Variants in MIA2 observed in about 807,000 individuals in gnomAD.
MIA2 encodes MIA SH3 domain ER export factor 2, also known as melanoma inhibitory activity protein 2.
In MIA2, 127 loss-of-function variants were observed where a neutral mutation model predicts 167.8. The observed-to-expected ratio is 0.76, with a 90% CI of 0.66 to 0.88. MIA2 has a LOEUF of 0.88. MIA2 is among the 40% of genes least tolerant of loss of function. MIA2 has a pLI of 0.00. For missense variants in MIA2, 1,690 were observed against 1,624.7 expected (o/e 1.04, Z -0.69); for synonymous variants, 552 against 541.9 (o/e 1.02, Z -0.26).
chr14:39,247,115 T>C lies in MIA2; in HGVS notation c.541T>C (p.Leu181=). The C allele has an allele frequency of 6.2e-7, 1 of 1,610,966 alleles. No individual in the cohort carries two copies. Residue 181 remains leucine (L), a synonymous_variant, in exon 4 of 29, where the codon TTA becomes CTA. Coordinates refer to ENST00000640607, the MANE Select transcript of MIA2 (RefSeq NM_001329214.4). ...STLFEDQVPA[L]EAPEDIGSTS... Reference sequence around the variant, plus strand: ...TTTGTTTGAAGACCAAGTTCCAGCATTAGAGGCTCCTGAAGATATCGGAAG... The same window carrying C: ...TTTGTTTGAAGACCAAGTTCCAGCACTAGAGGCTCCTGAAGATATCGGAAG...
At chr14:39,282,277 T>C (rs931589750) in intron 9 of MIA2, among the ~76,000 whole-genome samples, 1 of 152,164 alleles carries the variant, frequency 6.6e-6, no homozygotes, top group African/African-American at 2.4e-5. Flanking sequence ...GTAAAATAAG[T>C]TTTATTGTGT....
chr14:39,266,219 A>C (rs2055605442), intron 6 of MIA2: 7 of 985,456 alleles, frequency 7.1e-6, no homozygotes, highest in Non-Finnish European at 8.4e-6. Flanking sequence ...TTGAGTGAGA[A>C]GGCAGAATAT....
chr14:39,365,386 CCTTCT>C (rs1360579985), intron 23 of MIA2, among the ~76,000 whole-genome samples: 25 of 152,232 alleles, frequency 1.6e-4, no homozygotes, highest in Admixed American at 1.2e-3. Context: ...GTGCCTTTAG[CCTTCT>C]CTTCTTTTTT....
intron 9 of MIA2, among the ~76,000 whole-genome samples, chr14:39,281,106 G>A (rs769929368): frequency 1.3e-5 from 2 of 151,664 alleles, no homozygotes; most frequent in Non-Finnish European, 2.9e-5. Context: ...AAAATTTCTT[G>A]TAGAGATGGG....
At chr14:39,304,198 T>G in intron 16 of MIA2, 93 bp from the exon 17 acceptor site, 1 of 507,208 alleles carries the variant, frequency 2.0e-6, no homozygotes, top group Non-Finnish European at 3.5e-6. Flanking sequence ...ACTTAAAAAG[T>G]GTTAGGGGGG....
chr14:39,265,503 TG>T, intron 6 of MIA2: 1 of 1,055,862 alleles, frequency 9.5e-7, no homozygotes, highest in South Asian at 1.4e-5. Context: ...ACTGTGTTTT[TG>T]CTATGGGGGG....
At chr14:39,354,554 CTTTAG>C (rs2074473084), downstream of MIA2, among the ~76,000 whole-genome samples, 1 of 152,118 alleles carries the variant, frequency 6.6e-6, no homozygotes, top group African/African-American at 2.4e-5. Context: ...TGCAGAAGCT[CTTTAG>C]TTTAATTAGA....
chr14:39,267,282 GTGAGGCCTGC>G, intron 6 of MIA2: 1 of 1,452,044 alleles, frequency 6.9e-7, no homozygotes, highest in Middle Eastern at 2.6e-4. Flanking sequence ...GCGTAGGCCT[GTGAGGCCTGC>G]GGGTGCCCCT....
downstream of MIA2, among the ~76,000 whole-genome samples, chr14:39,355,319 A>G (rs572566748): frequency 1.5e-4 from 23 of 151,768 alleles, no homozygotes; most frequent in African/African-American, 4.6e-4. Context: ...CTTTGAAGCA[A>G]TTGTGGAGTT....
chr14:39,289,335 C>A (rs138558352), intron 9 of MIA2, among the ~76,000 whole-genome samples: 1 of 152,034 alleles, frequency 6.6e-6, no homozygotes, highest in Non-Finnish European at 1.5e-5. Context: ...GTGCCTCAGC[C>A]TCTCGAATAG....
At chr14:39,309,611 A>G (rs955013150) in intron 18 of MIA2, among the ~76,000 whole-genome samples, 4 of 152,156 alleles carry the variant, frequency 2.6e-5, no homozygotes, top group Non-Finnish European at 5.9e-5. Context: ...CTAAAATAAT[A>G]CCTGCTACTC....
rs752435136 is a variant in MIA2 at position 39,345,875 on chromosome 14, T to C, written c.3656-29T>C. The C allele has an allele frequency of 8.2e-6, 13 of 1,583,496 alleles. No homozygotes were observed. In the Admixed American group the frequency reaches 1.2e-4, roughly 15 times the overall value. On this transcript the variant is annotated intron_variant, in intron 25 of 28. Transcript: ENST00000640607. ...TAAACTTGATTTATATTTACATTAA[T>C]GAAGACATTTTAAAAACTTATTTTC...
intron 9 of MIA2, among the ~76,000 whole-genome samples, chr14:39,288,528 G>A (rs1281124606): frequency 5.1e-5 from 7 of 137,584 alleles, no homozygotes; most frequent in African/African-American, 1.9e-4. Context: ...GGGCTGGAGT[G>A]GAATGGTGTG....
intron 6 of MIA2, chr14:39,268,934 C>G (rs957305872): frequency 1.1e-6 from 1 of 884,950 alleles, no homozygotes; most frequent in Non-Finnish European, 1.4e-6. Flanking sequence ...ATTTCCCTTT[C>G]TTCACTAAAA....
chr14:39,304,441 G>A, intron 17 of MIA2, 60 bp downstream of exon 17: 1 of 883,230 alleles, frequency 1.1e-6, no homozygotes, highest in Non-Finnish European at 1.7e-6. Flanking sequence ...TCTTGGCAGA[G>A]AATGGTAAAA....
intron 14 of MIA2, among the ~76,000 whole-genome samples, chr14:39,301,728 C>G (rs1191107845): frequency 6.6e-6 from 1 of 152,296 alleles, no homozygotes; most frequent in South Asian, 2.1e-4. Flanking sequence ...TTGAATAAAT[C>G]AACTAAAAAT....
rs114848241 is a variant in MIA2, at chr14:39,266,819, C to T, written c.1888-10115C>T. 3.9e-3 allele frequency: 2,088 copies of T among 540,086 alleles called. 40 individuals are homozygous for T. The highest frequency in any genetic ancestry group is 0.039 in the African/African-American group (1,889 of 48,920). The allele number at this position is 540,086 out of a possible 1,614,324, so 33.5% of individuals were successfully genotyped here. On this transcript the variant is annotated intron_variant, in intron 6 of 28. Transcript: ENST00000640607. ...GAAAGCCTTGGGTGTCGGGGCTGGGCCTGGCGTCGGCCCCTGGGTCGGGGG... is the reference window on the plus strand; with the variant it reads ...GAAAGCCTTGGGTGTCGGGGCTGGGTCTGGCGTCGGCCCCTGGGTCGGGGG...
At chr14:39,386,830 C>A in intron 23 of MIA2, 1 of 933,974 alleles carries the variant, frequency 1.1e-6, no homozygotes, top group East Asian at 2.4e-5. Flanking sequence ...ATAGAATTCT[C>A]AGCAACTCGT....
At chr14:39,318,756 A>C (rs2065912781) in intron 22 of MIA2, among the ~76,000 whole-genome samples, 1 of 152,188 alleles carries the variant, frequency 6.6e-6, no homozygotes, top group Non-Finnish European at 1.5e-5. Context: ...AACTGGAATC[A>C]TGAGTGTCAC....
Sources: allele counts gnomAD v4.1 joint callset (sites outside exome capture counted in the v4.1 genomes callset), GRCh38; gene constraint gnomAD v4.1.1; transcripts MANE v1.5; gene names NCBI Gene and HGNC (gene_info 2026-07-23, HGNC 2026-07-21).